CYRIB: variants seen among roughly 807,000 people sequenced by gnomAD.
CYRIB encodes CYFIP related Rac1 interactor B.
A neutral mutation model predicts 44.2 loss-of-function variants in CYRIB; 8 were observed. That is an observed-to-expected ratio of 0.18 (90% CI 0.11 to 0.33). CYRIB has a LOEUF of 0.33. CYRIB is among the 10% of genes least tolerant of loss of function. CYRIB has a pLI of 1.00. For synonymous variants in CYRIB, 131 were observed against 127.2 expected (o/e 1.03, Z -0.20); for missense variants, 185 against 382.8 (o/e 0.48, Z 4.31).
chr8:129,919,581 T>C (rs1336841584), intron 1 of CYRIB, among the ~76,000 whole-genome samples: 2 of 152,190 alleles, frequency 1.3e-5, no homozygotes, highest in Admixed American at 6.5e-5. Context: ...AATTTCATTA[T>C]GTCTAGAGGA....
At chr8:129,944,528 A>T (rs1263440057), upstream of CYRIB, among the ~76,000 whole-genome samples, 1 of 152,094 alleles carries the variant, frequency 6.6e-6, no homozygotes, top group Non-Finnish European at 1.5e-5. Flanking sequence ...CACGTCTGTA[A>T]TCCCAGCAGT....
rs553946794 is a variant in CYRIB, at chr8:130,011,243, A to G, written c.-296+5127T>C. Among the ~76,000 whole-genome samples the G allele has an allele frequency of 3.9e-5, 6 of 152,264 alleles. No individual in the cohort carries two copies. The South Asian group carries it at 1.0e-3, about 26-fold the overall frequency. The stretch of plus-strand genomic sequence containing the variant: ...AGCTTTCAAGAACGCTGAGGCGGCC[A>G]GGCGTAATGGCTCATGCCTGTAATC... On this transcript the variant is annotated intron_variant, in intron 1 of 14. Coordinates refer to the CYRIB transcript ENST00000401979.
At chr8:129,927,436 G>A (rs2088502740) in intron 1 of CYRIB, among the ~76,000 whole-genome samples, 1 of 152,176 alleles carries the variant, frequency 6.6e-6, no homozygotes, top group African/African-American at 2.4e-5. Context: ...CAGTAAAAAT[G>A]CACAAAATTA....
intron 1 of CYRIB, among the ~76,000 whole-genome samples, chr8:130,003,259 C>T (rs1398233068): frequency 2.6e-5 from 4 of 152,164 alleles, no homozygotes; most frequent in Non-Finnish European, 5.9e-5. Flanking sequence ...AATCTTTATG[C>T]AACATTTTGT....
chr8:130,011,910 C>T (rs1270141070), intron 1 of CYRIB, among the ~76,000 whole-genome samples: 2 of 151,948 alleles, frequency 1.3e-5, no homozygotes, highest in Non-Finnish European at 2.9e-5. Flanking sequence ...GACTGGCTGC[C>T]CACTCACCCA....
chr8:129,889,072 G>C (rs963859412), intron 2 of CYRIB, among the ~76,000 whole-genome samples: 25 of 152,268 alleles, frequency 1.6e-4, no homozygotes, highest in African/African-American at 5.8e-4. Context: ...ATGGGCAACA[G>C]AGCTAGACTT....
Position 129,931,161 on chromosome 8 carries a change from G to A in CYRIB, c.-50+8447C>T, listed in dbSNP as rs563000644. Among the ~76,000 whole-genome samples the A allele has an allele frequency of 4.8e-4, 69 of 144,130 alleles. No individual in the cohort carries two copies. The South Asian group carries it at 0.01, about 21-fold the overall frequency. The allele number at this position is 144,130 out of a possible 152,430, so 94.6% of individuals were successfully genotyped here. A position where few individuals can be genotyped will look rare whatever the true frequency, so the allele number is the denominator to read the frequency against. ...AGCCCTACTCCCCTAAAAAAAAAAA[G>A]AAAGAAAGAAAAATTGTGAATTTGA... On this transcript the variant is annotated intron_variant, in intron 1 of 11. Coordinates refer to ENST00000519824, the Ensembl canonical transcript of CYRIB.
chr8:129,864,635 G>A (rs1410040636), intron 4 of CYRIB: 2 of 207,340 alleles, frequency 9.6e-6, no homozygotes, highest in East Asian at 3.1e-4. Flanking sequence ...ACAAGGTTAT[G>A]TCATATATAG....
intron 2 of CYRIB, chr8:129,949,538 T>A (rs74549014): frequency 0.028 from 4,269 of 152,238 alleles, 67 homozygotes; most frequent in Middle Eastern, 0.085. Context: ...TCTGTAAACA[T>A]TAACTAAATC....
chr8:129,978,462 G>A (rs115023455), intron 1 of CYRIB, among the ~76,000 whole-genome samples: 2,100 of 152,210 alleles, frequency 0.014, 54 homozygotes, highest in African/African-American at 0.048. Context: ...GAGAATCCCT[G>A]GAGACTCAAG....
intron 6 of CYRIB, among the ~76,000 whole-genome samples, chr8:129,854,655 C>A (rs1021910380): frequency 6.6e-6 from 1 of 152,092 alleles, no homozygotes; most frequent in African/African-American, 2.4e-5. Flanking sequence ...TTAGTTATTA[C>A]GATAAAAGTA....
chr8:129,863,322 C>G (rs1469739828), intron 4 of CYRIB, among the ~76,000 whole-genome samples: 1 of 152,036 alleles, frequency 6.6e-6, no homozygotes, highest in Non-Finnish European at 1.5e-5. Flanking sequence ...GTCAGGAGTT[C>G]GAGACCAGCT....
intron 1 of CYRIB, among the ~76,000 whole-genome samples, chr8:130,011,090 C>T (rs999865191): frequency 2.0e-5 from 3 of 152,092 alleles, no homozygotes; most frequent in Non-Finnish European, 4.4e-5. Flanking sequence ...CAAAAGAGAT[C>T]TGCCTTAGGA....
Position 129,864,048 on chromosome 8 carries a change from C to T in CYRIB, c.196-1714G>A, listed in dbSNP as rs527364532. 5.3e-5 allele frequency among the ~76,000 whole-genome samples: 8 copies of T among 152,344 alleles called. No homozygotes were observed. In the South Asian group the frequency reaches 1.7e-3, roughly 32 times the overall value. ...AAAGCAAAATAAAATTGAACCCAGA[C>T]AGATCTAACGGATGCTCTGAACAAA... On this transcript the variant is annotated intron_variant, in intron 4 of 11. Transcript: ENST00000519824.
intron 5 of CYRIB, among the ~76,000 whole-genome samples, chr8:129,857,875 G>A (rs546178263): frequency 6.6e-6 from 1 of 152,326 alleles, no homozygotes. Flanking sequence ...AAATGCATCT[G>A]CCTAGACTTT....
At chr8:129,933,614 G>A (rs1028506606) in intron 1 of CYRIB, among the ~76,000 whole-genome samples, 5 of 152,028 alleles carry the variant, frequency 3.3e-5, no homozygotes, top group Non-Finnish European at 7.4e-5. Context: ...GGTGGCTCGC[G>A]CACCTGTGAT....
At chr8:129,916,270 T>C (rs2080730599) in intron 1 of CYRIB, among the ~76,000 whole-genome samples, 1 of 152,218 alleles carries the variant, frequency 6.6e-6, no homozygotes, top group African/African-American at 2.4e-5. Flanking sequence ...CTCTCACTCC[T>C]AACTACTGCA....
At chr8:129,930,008 C>T (rs2090259975) in intron 1 of CYRIB, among the ~76,000 whole-genome samples, 2 of 151,926 alleles carry the variant, frequency 1.3e-5, no homozygotes, top group South Asian at 2.1e-4. Context: ...GTCAGGAGTT[C>T]GAGACCAGCC....
At chr8:129,855,731 A>C in exon 6 of CYRIB, 1 of 1,612,858 alleles carries the variant, frequency 6.2e-7, no homozygotes, top group Non-Finnish European at 8.5e-7. Flanking sequence ...CTCCCAGAAG[A>C]CCTCTTAATG....
Sources: allele counts gnomAD v4.1 joint callset (sites outside exome capture counted in the v4.1 genomes callset), GRCh38; gene constraint gnomAD v4.1.1; transcripts MANE v1.5; gene names NCBI Gene and HGNC (gene_info 2026-07-23, HGNC 2026-07-21).